Variants in KAZN observed in about 807,000 individuals in gnomAD.
KAZN encodes kazrin, periplakin interacting protein, also known as kazrin.
Under a neutral mutation model 87.4 loss-of-function variants are expected in KAZN, and 40 were observed. The ratio of observed to expected loss-of-function variants is 0.46; its 90% CI spans 0.36 to 0.60. The LOEUF is 0.60. KAZN is among the 20% of genes least tolerant of loss of function. The pLI is 0.00. For missense variants in KAZN, 898 were observed against 1,073.9 expected, an observed-to-expected ratio of 0.84 and a Z score of 2.29; for synonymous variants, 466 against 458.3, an observed-to-expected ratio of 1.02 and a Z score of -0.22.
At chr1:14,909,535 A>G (rs1436286710) in intron 1 of KAZN, among the ~76,000 whole-genome samples, 2 of 152,124 alleles carry the variant, frequency 1.3e-5, no homozygotes, top group African/African-American at 4.8e-5. Context: ...CTCTGCCCAC[A>G]GTGCCCACCT....
chr1:14,244,416 C>T (rs896358119), intron 2 of KAZN, among the ~76,000 whole-genome samples: 1 of 152,212 alleles, frequency 6.6e-6, no homozygotes, highest in African/African-American at 2.4e-5. Flanking sequence ...TGTTTGGAAT[C>T]ATCTTCTTCA....
chr1:14,273,859 G>C (rs6694249), intron 2 of KAZN, among the ~76,000 whole-genome samples: 53,592 of 151,728 alleles, frequency 0.35, 9,906 homozygotes, highest in Middle Eastern at 0.51. Flanking sequence ...ATTATTCTCT[G>C]GGGCTTTGAT....
chr1:14,086,365 C>T (rs1382042977), intron 1 of KAZN, among the ~76,000 whole-genome samples: 2 of 152,126 alleles, frequency 1.3e-5, no homozygotes, highest in East Asian at 3.9e-4. Context: ...AGGTCTCCCC[C>T]AACAGGACCC....
chr1:14,770,214 G>T (rs1018115034), intron 1 of KAZN, among the ~76,000 whole-genome samples: 2 of 152,200 alleles, frequency 1.3e-5, no homozygotes, highest in Non-Finnish European at 2.9e-5. Flanking sequence ...AAACAGGCAT[G>T]GTGCCTGATG....
Position 14,155,942 on chromosome 1 carries a change from A to G in KAZN, c.92-24493A>G, listed in dbSNP as rs537519543. ...TGGGATTACAGGCATGAGCCCAGAT[A>G]TTTTTCTTCTCTTTTGATGTTGGCA... On this transcript the variant is annotated intron_variant, in intron 1 of 16. Transcript: ENST00000636203. Among the ~76,000 whole-genome samples the G allele has an allele frequency of 5.5e-4, 83 of 151,796 alleles. No individual in the cohort carries two copies. The Middle Eastern group carries it at 0.014, about 25-fold the overall frequency.
chr1:14,378,627 C>T (rs1053940715), intron 2 of KAZN, among the ~76,000 whole-genome samples: 1 of 152,142 alleles, frequency 6.6e-6, no homozygotes, highest in African/African-American at 2.4e-5. Context: ...CTCAGTGCTG[C>T]CCCGTCACAG....
chr1:14,636,545 C>T (rs1005151493), intron 1 of KAZN, among the ~76,000 whole-genome samples: 12 of 152,166 alleles, frequency 7.9e-5, no homozygotes, highest in East Asian at 5.8e-4. Flanking sequence ...CTCACTGGGT[C>T]CCAGCACTGC....
At chr1:14,553,666 C>T (rs1327072311) in intron 2 of KAZN, among the ~76,000 whole-genome samples, 3 of 152,160 alleles carry the variant, frequency 2.0e-5, no homozygotes, top group Admixed American at 1.3e-4. Context: ...TATCTGAAAC[C>T]CCCCTCTTGG....
chr1:14,611,507 T>C (rs931889780), intron 1 of KAZN, among the ~76,000 whole-genome samples: 3 of 152,094 alleles, frequency 2.0e-5, no homozygotes, highest in Admixed American at 1.3e-4. Context: ...GCCAGTATAG[T>C]GAGACGCTAT....
rs533810524 is a variant in KAZN at position 14,905,426 on chromosome 1, G to A, written c.227-55258G>A. Among the ~76,000 whole-genome samples the A allele has an allele frequency of 1.3e-4, 20 of 152,250 alleles. No individual in the cohort carries two copies. The South Asian group carries it at 4.1e-3, about 32-fold the overall frequency. On this transcript the variant is annotated intron_variant, in intron 1 of 14. Coordinates refer to ENST00000376030, the MANE Select transcript of KAZN (RefSeq NM_201628.3). ...TCTTGCTGCCACCTGCAAATGGGAC[G>A]CAGTCACAAAGGCCTGCACTGGAAA...
chr1:13,979,658 A>G (rs973769400), intron 1 of KAZN, among the ~76,000 whole-genome samples: 1 of 152,280 alleles, frequency 6.6e-6, no homozygotes, highest in African/African-American at 2.4e-5. Context: ...GCAGGGTGTG[A>G]TGGCACACGC....
intron 2 of KAZN, among the ~76,000 whole-genome samples, chr1:14,410,350 C>T (rs1664207704): frequency 6.6e-6 from 1 of 152,202 alleles, no homozygotes; most frequent in Admixed American, 6.5e-5. Flanking sequence ...GATCCACCCA[C>T]CTCGGCCTTC....
At chr1:14,573,973 C>A (rs981242606) in intron 2 of KAZN, among the ~76,000 whole-genome samples, 2 of 152,146 alleles carry the variant, frequency 1.3e-5, no homozygotes, top group African/African-American at 4.8e-5. Flanking sequence ...TCCAACCATT[C>A]CTATTGATCT....
intron 1 of KAZN, among the ~76,000 whole-genome samples, chr1:14,872,235 T>C (rs1209081286): frequency 6.6e-6 from 1 of 152,154 alleles, no homozygotes; most frequent in Non-Finnish European, 1.5e-5. Flanking sequence ...CAAAATGGGA[T>C]ATAATAAACT....
At chr1:14,683,968 A>G (rs769676905) in intron 1 of KAZN, among the ~76,000 whole-genome samples, 2 of 152,098 alleles carry the variant, frequency 1.3e-5, no homozygotes, top group Non-Finnish European at 2.9e-5. Flanking sequence ...GAGTATTTGT[A>G]TTTCTTCTGA....
chr1:14,885,188 C>T (rs546390471), intron 1 of KAZN, among the ~76,000 whole-genome samples: 2 of 152,130 alleles, frequency 1.3e-5, no homozygotes, highest in Non-Finnish European at 2.9e-5. Flanking sequence ...ATATAATCAC[C>T]ACTTTCTTGC....
At chr1:14,688,371 C>T (rs966523516) in intron 1 of KAZN, among the ~76,000 whole-genome samples, 1 of 152,180 alleles carries the variant, frequency 6.6e-6, no homozygotes, top group Non-Finnish European at 1.5e-5. Flanking sequence ...CGATTGTGCT[C>T]ACCACCGTAT....
chr1:14,146,832 A>G (rs1401095612), intron 1 of KAZN, among the ~76,000 whole-genome samples: 1 of 151,906 alleles, frequency 6.6e-6, no homozygotes, highest in African/African-American at 2.4e-5. Flanking sequence ...GTCATCTTCA[A>G]TTTCAGAAGA....
At chr1:14,393,387 CATAAA>C (rs1219355668) in intron 2 of KAZN, among the ~76,000 whole-genome samples, 2 of 152,090 alleles carry the variant, frequency 1.3e-5, no homozygotes, top group Non-Finnish European at 2.9e-5. Context: ...AGAATAAAAG[CATAAA>C]ATAAAAATAT....
Sources: allele counts gnomAD v4.1 joint callset (sites outside exome capture counted in the v4.1 genomes callset), GRCh38; gene constraint gnomAD v4.1.1; transcripts MANE v1.5; gene names NCBI Gene and HGNC (gene_info 2026-07-23, HGNC 2026-07-21).